The following LDLRAD3 variants were observed in gnomAD, a reference collection of about 807,000 sequenced individuals.
The protein encoded by LDLRAD3 is low density lipoprotein receptor class A domain containing 3, also known as low-density lipoprotein receptor class A domain-containing protein 3.
In LDLRAD3, 20 loss-of-function variants were observed where a neutral mutation model predicts 29.4. That is an observed-to-expected ratio of 0.68 (90% confidence interval 0.48 to 0.99). The LOEUF (loss-of-function observed/expected upper bound fraction) is 0.99, where lower values mean the gene tolerates loss of function less well. Ranked by LOEUF, LDLRAD3 falls within the 50% of genes least tolerant of loss-of-function variation. The probability of loss-of-function intolerance (pLI) is 0.00; values close to 1 mark genes in which losing one functional copy is unlikely to be tolerated. For synonymous variants in LDLRAD3, 157 were observed against 192.7 expected (o/e 0.81, Z 1.53); for missense variants, 420 against 454.3 (o/e 0.92, Z 0.69).
At chr11:36,147,335 G>A (rs530137394) in intron 4 of LDLRAD3, among the ~76,000 whole-genome samples, 210 of 151,346 alleles carry the variant, frequency 1.4e-3, no homozygotes, top group African/African-American at 4.6e-3. Flanking sequence ...AGCCAGGATG[G>A]TCTCAATCTC....
At chr11:36,110,504 C>G (rs1334007557) in intron 4 of LDLRAD3, among the ~76,000 whole-genome samples, 1 of 152,160 alleles carries the variant, frequency 6.6e-6, no homozygotes, top group Non-Finnish European at 1.5e-5. Flanking sequence ...CTGCAAGTTT[C>G]TGGAGCCCTA....
intron 5 of LDLRAD3, 151 bp downstream of exon 5, chr11:36,227,581 C>A: frequency 1.8e-6 from 1 of 569,496 alleles, no homozygotes; most frequent in Non-Finnish European, 3.0e-6. Flanking sequence ...CGAGTCCTCG[C>A]AAAATTCTCT....
intron 4 of LDLRAD3, 35 bp from the exon 5 acceptor site, chr11:36,227,050 C>T: frequency 6.8e-7 from 1 of 1,470,296 alleles, no homozygotes. Context: ...AACTGGTAAC[C>T]TTCTCTCTTT....
intron 1 of LDLRAD3, among the ~76,000 whole-genome samples, chr11:35,977,459 G>A (rs1267810796): frequency 3.3e-5 from 5 of 151,862 alleles, no homozygotes; most frequent in Non-Finnish European, 5.9e-5. Context: ...TGTATGAAGG[G>A]GTTCATTATG....
At chr11:36,037,146 G>A (rs532721487) in intron 2 of LDLRAD3, among the ~76,000 whole-genome samples, 1 of 152,298 alleles carries the variant, frequency 6.6e-6, no homozygotes, top group African/African-American at 2.4e-5. Context: ...TTGTCTCACA[G>A]GGGATTGCCT....
chr11:36,147,375 C>T (rs1003613258), intron 4 of LDLRAD3, among the ~76,000 whole-genome samples: 33 of 152,090 alleles, frequency 2.2e-4, no homozygotes, highest in African/African-American at 7.7e-4. Context: ...GCCTCGGCCT[C>T]CCAAAGTGCT....
intron 1 of LDLRAD3, among the ~76,000 whole-genome samples, chr11:35,993,792 C>T (rs921552694): frequency 2.2e-4 from 33 of 151,962 alleles, no homozygotes; most frequent in African/African-American, 4.6e-4. Flanking sequence ...CTGATTCAGA[C>T]GTGTGGCCCC....
At chr11:36,170,499 C>G (rs12805425) in intron 4 of LDLRAD3, among the ~76,000 whole-genome samples, 3 of 151,846 alleles carry the variant, frequency 2.0e-5, no homozygotes, top group Non-Finnish European at 4.4e-5. Flanking sequence ...ATAATGACTT[C>G]TTTTCCTCTG....
chr11:35,966,831 A>G (rs1163253467), intron 1 of LDLRAD3, among the ~76,000 whole-genome samples: 1 of 152,246 alleles, frequency 6.6e-6, no homozygotes, highest in East Asian at 1.9e-4. Flanking sequence ...TTTCAGAAAT[A>G]GCATCATATA....
intron 2 of LDLRAD3, among the ~76,000 whole-genome samples, chr11:36,080,064 G>A (rs1853087070): frequency 6.6e-6 from 1 of 152,202 alleles, no homozygotes; most frequent in African/African-American, 2.4e-5. Flanking sequence ...CCTGATGATT[G>A]TGAGTTGGCT....
At chr11:36,014,269 T>A (rs542512701) in intron 1 of LDLRAD3, among the ~76,000 whole-genome samples, 2 of 152,196 alleles carry the variant, frequency 1.3e-5, no homozygotes, top group African/African-American at 4.8e-5. Flanking sequence ...CACAAGAAGC[T>A]GATCTGAGAA....
intron 1 of LDLRAD3, among the ~76,000 whole-genome samples, chr11:36,009,607 T>A (rs979856238): frequency 1.3e-5 from 2 of 152,230 alleles, no homozygotes; most frequent in Non-Finnish European, 2.9e-5. Context: ...TCCACTATAA[T>A]CACTGTCATG....
At chr11:36,115,752 C>A (rs1853665742) in intron 4 of LDLRAD3, among the ~76,000 whole-genome samples, 1 of 152,184 alleles carries the variant, frequency 6.6e-6, no homozygotes. Flanking sequence ...TCCCTCACTT[C>A]CTTGGCATGA....
intron 4 of LDLRAD3, among the ~76,000 whole-genome samples, chr11:36,117,811 G>C (rs1229310181): frequency 1.3e-5 from 2 of 152,188 alleles, no homozygotes; most frequent in African/African-American, 4.8e-5. Flanking sequence ...TCCTAATATG[G>C]TGGTAAAATT....
intron 4 of LDLRAD3, among the ~76,000 whole-genome samples, chr11:36,130,647 G>C (rs1853912598): frequency 6.6e-6 from 1 of 152,172 alleles, no homozygotes; most frequent in African/African-American, 2.4e-5. Context: ...CCTGGTCTGA[G>C]CGCCTGCTTT....
At chr11:36,056,747 T>C (rs980610659) in intron 2 of LDLRAD3, among the ~76,000 whole-genome samples, 1 of 152,226 alleles carries the variant, frequency 6.6e-6, no homozygotes, top group Non-Finnish European at 1.5e-5. Flanking sequence ...GAGATTTCTT[T>C]GAGGAACACT....
chr11:36,204,401 C>T (rs1855174877), intron 4 of LDLRAD3, among the ~76,000 whole-genome samples: 1 of 152,124 alleles, frequency 6.6e-6, no homozygotes, highest in African/African-American at 2.4e-5. Context: ...AGGCTTGGTC[C>T]TTCTTCTCCT....
intron 2 of LDLRAD3, among the ~76,000 whole-genome samples, chr11:36,036,785 A>G (rs1357806098): frequency 2.6e-5 from 4 of 152,274 alleles, no homozygotes; most frequent in African/African-American, 9.6e-5. Flanking sequence ...CTGCCGATAG[A>G]TATGGCTTGA....
chr11:35,963,862 A>T (rs1186841588), intron 1 of LDLRAD3, among the ~76,000 whole-genome samples: 1 of 152,186 alleles, frequency 6.6e-6, no homozygotes, highest in Non-Finnish European at 1.5e-5. Context: ...TTAAGTAATG[A>T]AGAATTTATG....
Sources: allele counts gnomAD v4.1 joint callset (sites outside exome capture counted in the v4.1 genomes callset), GRCh38; gene constraint gnomAD v4.1.1; transcripts MANE v1.5; gene names NCBI Gene and HGNC (gene_info 2026-07-23, HGNC 2026-07-21).